Variants in ATG10 observed in about 807,000 individuals in gnomAD.
ATG10 encodes the protein ubiquitin-like-conjugating enzyme ATG10.
A neutral mutation model predicts 32.1 loss-of-function variants in ATG10; 30 were observed. The ratio of observed to expected loss-of-function variants is 0.94; its 90% CI spans 0.70 to 1.27. ATG10 has a LOEUF of 1.27. Ranked by LOEUF, ATG10 falls within the 50% of genes most tolerant of loss-of-function variation. The probability of loss-of-function intolerance (pLI) is 0.00; values close to 1 mark genes in which losing one functional copy is unlikely to be tolerated. For missense variants in ATG10, 233 were observed against 262.3 expected (o/e 0.89, Z 0.77); for synonymous variants, 87 against 91.5 (o/e 0.95, Z 0.28).
chr5:82,163,674 G>A (rs1302942254), intron 3 of ATG10, among the ~76,000 whole-genome samples: 1 of 152,040 alleles, frequency 6.6e-6, no homozygotes, highest in African/African-American at 2.4e-5. Flanking sequence ...AAACAGTAAG[G>A]TACATTCTTT....
At chr5:82,018,201 A>G (rs1033332033) in intron 2 of ATG10, among the ~76,000 whole-genome samples, 3 of 152,196 alleles carry the variant, frequency 2.0e-5, no homozygotes, top group Admixed American at 2.0e-4. Flanking sequence ...CCCTCTTTGA[A>G]TTGATGACAA....
intron 3 of ATG10, among the ~76,000 whole-genome samples, chr5:82,138,039 C>T (rs541475579): frequency 6.6e-6 from 1 of 152,168 alleles, no homozygotes; most frequent in Non-Finnish European, 1.5e-5. Context: ...GGGAAAATCA[C>T]CTAGTCAAGA....
intron 1 of ATG10, among the ~76,000 whole-genome samples, chr5:81,982,442 C>T (rs892564591): frequency 2.0e-5 from 3 of 151,864 alleles, no homozygotes; most frequent in African/African-American, 4.8e-5. Context: ...TGGGCGATTC[C>T]GTCTCCAAAA....
intron 5 of ATG10, among the ~76,000 whole-genome samples, chr5:82,239,553 G>A (rs1746700029): frequency 6.6e-6 from 1 of 152,174 alleles, no homozygotes; most frequent in South Asian, 2.1e-4. Flanking sequence ...TCAGGGATTA[G>A]TGGTGAAGGA....
chr5:82,143,685 C>G (rs1767236098), intron 3 of ATG10, among the ~76,000 whole-genome samples: 1 of 152,188 alleles, frequency 6.6e-6, no homozygotes, highest in African/African-American at 2.4e-5. Context: ...ACAAGAGGCT[C>G]AAAATGTAGA....
At chr5:82,201,530 C>T (rs1339158407) in intron 5 of ATG10, among the ~76,000 whole-genome samples, 1 of 152,170 alleles carries the variant, frequency 6.6e-6, no homozygotes, top group Non-Finnish European at 1.5e-5. Flanking sequence ...TCCACCAATA[C>T]CACATTGCCT....
Position 82,230,812 on chromosome 5 carries a change from AT to A in ATG10, c.454-21749del, listed in dbSNP as rs570404039. Among the ~76,000 whole-genome samples, 181 of 151,784 alleles carry A rather than the reference AT, an allele frequency of 1.2e-3. 2 individuals are homozygous for A. The Middle Eastern group carries it at 0.021, about 17-fold the overall frequency. ...CCATGGAATGATGTAAATATCCATT[AT>A]GATATATTAGCTAGATGGAAAATTA... is the stretch of plus-strand genomic sequence containing the variant. On this transcript the variant is annotated intron_variant, in intron 5 of 7. Coordinates refer to ENST00000282185, the MANE Select transcript of ATG10 (RefSeq NM_031482.5).
At chr5:81,999,260 G>T (rs1761764207) in intron 2 of ATG10, among the ~76,000 whole-genome samples, 2 of 151,946 alleles carry the variant, frequency 1.3e-5, no homozygotes, top group South Asian at 4.1e-4. Flanking sequence ...ACAATTAATG[G>T]AAATTAACCT....
chr5:82,243,392 G>T (rs1581843425), intron 5 of ATG10, among the ~76,000 whole-genome samples: 1 of 152,048 alleles, frequency 6.6e-6, no homozygotes, highest in East Asian at 1.9e-4. Flanking sequence ...GAGACAGATT[G>T]TAAAGGTGGA....
rs1301314792 is a variant in ATG10, at chr5:82,082,661, A to G, written c.216+24059A>G. On this transcript the variant is annotated intron_variant, in intron 3 of 7. Coordinates refer to ENST00000282185, the MANE Select transcript of ATG10 (RefSeq NM_031482.5). ...TCAGACATTTATCCAACTGTTAGTA[A>G]TGTTTCTTTTTTTTTTTAACTGAAC... Among the ~76,000 whole-genome samples the G allele has an allele frequency of 2.6e-5, 4 of 152,124 alleles. No individual in the cohort carries two copies. The East Asian group carries it at 5.8e-4, about 22-fold the overall frequency.
intron 1 of ATG10, among the ~76,000 whole-genome samples, chr5:81,974,641 G>T (rs1380231292): frequency 6.6e-6 from 1 of 152,118 alleles, no homozygotes; most frequent in Admixed American, 6.5e-5. Context: ...GGGTCTCTAA[G>T]TTGCCCAGGC....
intron 5 of ATG10, among the ~76,000 whole-genome samples, chr5:82,237,084 A>C (rs1196486360): frequency 1.3e-5 from 2 of 152,044 alleles, no homozygotes; most frequent in Non-Finnish European, 2.9e-5. Context: ...TCAGAAAATT[A>C]TTGGATCATA....
intron 3 of ATG10, among the ~76,000 whole-genome samples, chr5:82,092,594 C>T (rs971232731): frequency 3.3e-5 from 5 of 152,158 alleles, no homozygotes; most frequent in African/African-American, 1.2e-4. Flanking sequence ...CTCTCTCTCC[C>T]TGCAGTGTCT....
chr5:81,993,360 C>CTTTCTTTCTTTCTTTCTTTCCTTCTTTCT, intron 2 of ATG10, among the ~76,000 whole-genome samples: 17 of 46,796 alleles, frequency 3.6e-4, no homozygotes, highest in African/African-American at 1.0e-3. Context: ...TCTTTCTTTC[C>CTTTCTTTCTTTCTTTCTTTCCTTCTTTCT]TTCTTTTCTT....
At chr5:82,199,050 A>G (rs1418456051) in intron 5 of ATG10, among the ~76,000 whole-genome samples, 1 of 152,246 alleles carries the variant, frequency 6.6e-6, no homozygotes, top group African/African-American at 2.4e-5. Context: ...TCTTCAATGC[A>G]AAATGCTCAT....
intron 2 of ATG10, among the ~76,000 whole-genome samples, chr5:82,052,946 G>A (rs893058866): frequency 2.6e-5 from 4 of 152,228 alleles, no homozygotes; most frequent in Non-Finnish European, 5.9e-5. Flanking sequence ...ATAATCATTT[G>A]TATGAATTTT....
chr5:82,140,651 C>T (rs1409595499), intron 3 of ATG10, among the ~76,000 whole-genome samples: 20 of 51,822 alleles, frequency 3.9e-4, no homozygotes, highest in South Asian at 1.0e-3. Flanking sequence ...AGGTGAGGGG[C>T]GCCTCTGCCC....
chr5:82,075,596 A>G (rs1233563760), intron 3 of ATG10, among the ~76,000 whole-genome samples: 2 of 152,194 alleles, frequency 1.3e-5, no homozygotes, highest in Non-Finnish European at 2.9e-5. Flanking sequence ...GTAACTTTGG[A>G]GTAAATAAAT....
At position 82,112,291 on chromosome 5, in the gene ATG10, A is replaced by G. The variant is rs535624819; in HGVS notation, c.217-52108A>G. Among the ~76,000 whole-genome samples the G allele has an allele frequency of 2.5e-4, 38 of 152,032 alleles. No individual in the cohort carries two copies. The South Asian group carries it at 7.7e-3, about 31-fold the overall frequency. ...TGAAATACAAATTTAATGAATAACA[A>G]TAATTTGAATTTTTAAAAAGATAAT... On this transcript the variant is annotated intron_variant, in intron 3 of 7. Transcript: ENST00000282185.
Sources: gnomAD v4.1 joint callset for allele counts (sites outside exome capture counted in the v4.1 genomes callset) on GRCh38, gnomAD v4.1.1 for gene constraint, MANE v1.5 for transcripts, NCBI Gene and HGNC (gene_info 2026-07-23, HGNC 2026-07-21) for gene names.